The following HTR2A variants were observed in gnomAD, a reference collection of about 807,000 sequenced individuals.
HTR2A encodes 5-hydroxytryptamine receptor 2A.
HTR2A carries 14 observed loss-of-function variants against 31.0 expected under a neutral mutation model. The ratio of observed to expected loss-of-function variants is 0.45; its 90% CI spans 0.30 to 0.71. The LOEUF (loss-of-function observed/expected upper bound fraction) is 0.71, where lower values mean the gene tolerates loss of function less well. Ranked by LOEUF, HTR2A falls within the 30% of genes least tolerant of loss-of-function variation. The probability of loss-of-function intolerance (pLI) is 0.09; values close to 1 mark genes in which losing one functional copy is unlikely to be tolerated. For missense variants in HTR2A, 442 were observed against 573.3 expected, an observed-to-expected ratio of 0.77 and a Z score of 2.34; for synonymous variants, 209 against 225.2, an observed-to-expected ratio of 0.93 and a Z score of 0.64.
intron 3 of HTR2A, among the ~76,000 whole-genome samples, chr13:46,865,551 G>A (rs1228535749): frequency 6.6e-6 from 1 of 152,192 alleles, no homozygotes; most frequent in Non-Finnish European, 1.5e-5. Context: ...CACCTGGACT[G>A]TACTTGGAGC....
In HTR2A at chr13:46,885,050, G is replaced by GT. The variant is rs199660181; in HGVS notation, c.613+7339dup. 6.9e-4 allele frequency among the ~76,000 whole-genome samples: 104 copies of GT among 150,918 alleles called. 4 individuals carry two copies. In the South Asian group the frequency reaches 0.018, roughly 27 times the overall value. On this transcript the variant is annotated intron_variant, in intron 3 of 3. Transcript: ENST00000542664. ...AAGGATACTAAACTTGATATAGACT[G>GT]TTTTTTTTTCCTGTATATGCGTACC...
chr13:46,894,020 G>T (rs1951077699), intron 2 of HTR2A, among the ~76,000 whole-genome samples: 1 of 152,244 alleles, frequency 6.6e-6, no homozygotes, highest in African/African-American at 2.4e-5. Flanking sequence ...GGGAAGCCAC[G>T]CTCTGTCTGT....
intron 3 of HTR2A, among the ~76,000 whole-genome samples, chr13:46,876,914 G>A (rs1332797799): frequency 6.6e-6 from 1 of 152,080 alleles, no homozygotes; most frequent in African/African-American, 2.4e-5. Context: ...GTGTGTCCCT[G>A]CAGGTGAATG....
chr13:46,869,463 T>A (rs1267754822), intron 3 of HTR2A, among the ~76,000 whole-genome samples: 1 of 152,120 alleles, frequency 6.6e-6, no homozygotes, highest in Non-Finnish European at 1.5e-5. Context: ...AGAACCCTTG[T>A]ACGTTGATGG....
intron 3 of HTR2A, among the ~76,000 whole-genome samples, chr13:46,866,011 C>G (rs530887748): frequency 1.3e-5 from 2 of 152,298 alleles, no homozygotes; most frequent in Admixed American, 1.3e-4. Flanking sequence ...CTGTATTTTT[C>G]ACATATTTCA....
intron 3 of HTR2A, among the ~76,000 whole-genome samples, chr13:46,890,004 T>C (rs998497082): frequency 6.6e-6 from 1 of 152,272 alleles, no homozygotes; most frequent in African/African-American, 2.4e-5. Flanking sequence ...CATATCTTTT[T>C]CATCTTGGTC....
intron 3 of HTR2A, among the ~76,000 whole-genome samples, chr13:46,887,422 CA>C (rs60134726): frequency 1.6e-3 from 162 of 100,576 alleles, no homozygotes; most frequent in African/African-American, 6.0e-3. Context: ...GACTCTGTCT[CA>C]AAAAAAAAAA....
Position 46,855,211 on chromosome 13 carries a change from T to G in HTR2A, c.614-19572A>C, listed in dbSNP as rs561399184. 3.3e-5 allele frequency among the ~76,000 whole-genome samples: 5 copies of G among 152,270 alleles called. No individual in the cohort carries two copies. The South Asian group carries it at 1.0e-3, about 32-fold the overall frequency. ...TCAGTTTAAGCCAATAAGTTTGAGG[T>G]TCTTTGTTACAGTAGCCCTAGGAAA... On this transcript the variant is annotated intron_variant, in intron 3 of 3. Transcript: ENST00000542664.
intron 3 of HTR2A, among the ~76,000 whole-genome samples, chr13:46,858,800 A>G (rs1950758349): frequency 1.3e-5 from 2 of 152,166 alleles, no homozygotes; most frequent in African/African-American, 4.8e-5. Context: ...TGATATTCAG[A>G]GTTCTGGCTT....
At chr13:46,844,153 C>T (rs893677024) in intron 3 of HTR2A, among the ~76,000 whole-genome samples, 1 of 152,168 alleles carries the variant, frequency 6.6e-6, no homozygotes, top group Non-Finnish European at 1.5e-5. Flanking sequence ...ATGACAATCT[C>T]ATTAATAGCA....
chr13:46,856,418 G>A (rs899818402), intron 3 of HTR2A: 1 of 152,168 alleles, frequency 6.6e-6, no homozygotes, highest in Non-Finnish European at 1.5e-5. Flanking sequence ...TGAAATTCAA[G>A]AGGTAGAAAA....
intron 3 of HTR2A, among the ~76,000 whole-genome samples, chr13:46,853,338 G>A (rs549779390): frequency 6.6e-6 from 1 of 152,138 alleles, no homozygotes; most frequent in African/African-American, 2.4e-5. Context: ...TCATCTGCCT[G>A]GGCCACTTCT....
chr13:46,860,546 A>T (rs1674173531), intron 3 of HTR2A, among the ~76,000 whole-genome samples: 1 of 152,208 alleles, frequency 6.6e-6, no homozygotes, highest in African/African-American at 2.4e-5. Context: ...GAAGAGCTTT[A>T]TTGAAAAAAG....
At position 46,873,449 on chromosome 13, in the gene HTR2A, T is replaced by TTAC. The variant is rs548966149; in HGVS notation, c.613+18940_613+18941insGTA. ...AAATTTATTATTATTATTATTATTATTATTATTATTATTATACTTTAAGTT... is the reference window on the plus strand; with the variant it reads ...AAATTTATTATTATTATTATTATTATTACTATTATTATTATTATACTTTAAGTT... On this transcript the variant is annotated intron_variant, in intron 3 of 3. Coordinates refer to ENST00000542664, the MANE Select transcript of HTR2A (RefSeq NM_000621.5). Among the ~76,000 whole-genome samples the TTAC allele has an allele frequency of 3.3e-3, 488 of 148,640 alleles. 4 individuals are homozygous for TTAC. The highest frequency in any genetic ancestry group is 0.011 in the African/African-American group (460 of 40,850).
chr13:46,871,224 A>G (rs1028626262), intron 3 of HTR2A, among the ~76,000 whole-genome samples: 1 of 152,198 alleles, frequency 6.6e-6, no homozygotes, highest in African/African-American at 2.4e-5. Flanking sequence ...TATCAGTGCA[A>G]CCTGATTCAG....
At position 46,897,003 on chromosome 13, in the gene HTR2A, G is replaced by A. The variant is rs1164021414; in HGVS notation, c.-658C>T. ...AGAACTGCATGGGAAAGTAGGAAGAGCTGTCTGCACCAAGGGACTCCTGGT... is the reference window on the plus strand; with the variant it reads ...AGAACTGCATGGGAAAGTAGGAAGAACTGTCTGCACCAAGGGACTCCTGGT... On this transcript the variant is annotated 5_prime_UTR_variant, in exon 1 of 4. Coordinates refer to ENST00000542664, the MANE Select transcript of HTR2A (RefSeq NM_000621.5). The A allele has an allele frequency of 3.3e-6, 2 of 607,662 alleles. No individual in the cohort carries two copies. The highest frequency in any genetic ancestry group is 5.7e-6 in the Non-Finnish European group (2 of 349,698). 37.6% of individuals were successfully genotyped at this position (607,662 alleles called of 1,614,324 possible).
intron 3 of HTR2A, among the ~76,000 whole-genome samples, chr13:46,852,677 G>A (rs1950696654): frequency 6.6e-6 from 1 of 152,164 alleles, no homozygotes; most frequent in African/African-American, 2.4e-5. Context: ...AGACAGGTGG[G>A]GTGAAATTAG....
At chr13:46,887,838 C>T (rs960565933) in intron 3 of HTR2A, among the ~76,000 whole-genome samples, 2 of 151,418 alleles carry the variant, frequency 1.3e-5, no homozygotes, top group Admixed American at 6.6e-5. Context: ...ACTGCATGTT[C>T]TCACTAATAT....
At chr13:46,854,737 T>C (rs953717349) in intron 3 of HTR2A, among the ~76,000 whole-genome samples, 9 of 152,206 alleles carry the variant, frequency 5.9e-5, no homozygotes, top group Non-Finnish European at 1.3e-4. Context: ...AATTAATATT[T>C]TGATAGCATT....
Sources: gnomAD v4.1 joint callset for allele counts (sites outside exome capture counted in the v4.1 genomes callset) on GRCh38, gnomAD v4.1.1 for gene constraint, MANE v1.5 for transcripts, NCBI Gene and HGNC (gene_info 2026-07-23, HGNC 2026-07-21) for gene names.